The following ZC3H12C variants were observed in gnomAD, a reference collection of about 807,000 sequenced individuals.
ZC3H12C encodes probable ribonuclease ZC3H12C.
ZC3H12C carries 20 observed loss-of-function variants against 76.3 expected under a neutral mutation model. That is an observed-to-expected ratio of 0.26 (90% confidence interval 0.18 to 0.38). The LOEUF (loss-of-function observed/expected upper bound fraction) is 0.38. Among genes scored for constraint, ZC3H12C ranks in the 10% least tolerant of loss-of-function variants. The pLI is 1.00. For synonymous variants in ZC3H12C, 352 were observed against 399.6 expected (o/e 0.88, Z 1.42); for missense variants, 874 against 1,086.5 (o/e 0.80, Z 2.75).
chr11:110,142,468 T>C (rs1862083829), intron 2 of ZC3H12C, among the ~76,000 whole-genome samples: 2 of 152,218 alleles, frequency 1.3e-5, no homozygotes, highest in African/African-American at 4.8e-5. Context: ...CCTTTTTACA[T>C]CTACTAAACA....
At chr11:110,114,373 T>A (rs1861487507) in intron 1 of ZC3H12C, among the ~76,000 whole-genome samples, 2 of 152,238 alleles carry the variant, frequency 1.3e-5, no homozygotes, top group Non-Finnish European at 2.9e-5. Context: ...TTGTACTCTA[T>A]GACATATCCC....
At chr11:110,117,366 T>C (rs562250671) in intron 1 of ZC3H12C, among the ~76,000 whole-genome samples, 1 of 152,282 alleles carries the variant, frequency 6.6e-6, no homozygotes. Flanking sequence ...AATCCACATT[T>C]CTAAATTTTT....
chr11:110,137,510 A>G (rs1428228544), intron 2 of ZC3H12C, 96 bp downstream of exon 2: 3 of 1,373,788 alleles, frequency 2.2e-6, no homozygotes, highest in East Asian at 4.9e-5. Context: ...TGGTCATTAA[A>G]GTCAACATTT....
chr11:110,146,772 G>A (rs1053179583), intron 2 of ZC3H12C, among the ~76,000 whole-genome samples: 1 of 151,664 alleles, frequency 6.6e-6, no homozygotes. Flanking sequence ...AAACTGGATT[G>A]CTATTGCCAA....
intron 1 of ZC3H12C, among the ~76,000 whole-genome samples, chr11:110,095,123 G>A (rs902942335): frequency 6.6e-6 from 1 of 152,162 alleles, no homozygotes; most frequent in Non-Finnish European, 1.5e-5. Flanking sequence ...ACTGATGAGA[G>A]TTTTTATTAG....
chr11:110,101,715 T>G (rs2134144405), intron 1 of ZC3H12C, among the ~76,000 whole-genome samples: 1 of 152,010 alleles, frequency 6.6e-6, no homozygotes, highest in East Asian at 1.9e-4. Context: ...GTCCAGCTAA[T>G]TTTTGTATTT....
intron 1 of ZC3H12C, among the ~76,000 whole-genome samples, chr11:110,117,896 TACAC>T (rs373331743): frequency 8.9e-6 from 1 of 111,872 alleles, no homozygotes; most frequent in Non-Finnish European, 1.9e-5. Flanking sequence ...ATTATATATA[TACAC>T]ACACACATAT....
At chr11:110,154,164 T>G (rs578123183) in intron 3 of ZC3H12C, among the ~76,000 whole-genome samples, 3 of 152,054 alleles carry the variant, frequency 2.0e-5, no homozygotes, top group Non-Finnish European at 4.4e-5. Flanking sequence ...TTGAGCTCAG[T>G]AATTCAAGAC....
Position 110,170,910 on chromosome 11 carries a change from T to C in ZC3H12C, c.*5173T>C, listed in dbSNP as rs1862666446. 6.6e-6 allele frequency: 1 copy of C among 152,258 alleles called. No individual in the cohort carries two copies. Among genetic ancestry groups the C allele is most frequent in the South Asian group, 2.1e-4 (1 of 4,834 alleles). The allele number at this position is 152,258 out of a possible 1,614,324, so 9.4% of individuals were successfully genotyped here. A position where few individuals can be genotyped will look rare whatever the true frequency, so the allele number is the denominator to read the frequency against. ...TTTCTGTTAACTTAATTATTACTCC[T>C]GTTGCAGTGTTACTGTTATGTATTA... is the stretch of plus-strand genomic sequence containing the variant. On this transcript the variant is annotated 3_prime_UTR_variant, in exon 6 of 6. Coordinates refer to ENST00000278590, the MANE Select transcript of ZC3H12C (RefSeq NM_033390.2).
chr11:110,115,756 T>C (rs1861516208), intron 1 of ZC3H12C, among the ~76,000 whole-genome samples: 1 of 149,986 alleles, frequency 6.7e-6, no homozygotes, highest in Admixed American at 6.6e-5. Context: ...TTCTTTTTTT[T>C]TTTTTTTTTT....
rs1862630851 is a variant in ZC3H12C at position 110,169,152 on chromosome 11, T to C, written c.*3415T>C. The stretch of plus-strand genomic sequence containing the variant: ...TGGTATTTTCAAAGAATTATTTTGA[T>C]ATTTTTAATAGAATGTGTAATTTTA... On this transcript the variant is annotated 3_prime_UTR_variant, in exon 6 of 6. Coordinates refer to ENST00000278590, the MANE Select transcript of ZC3H12C (RefSeq NM_033390.2). The C allele has an allele frequency of 6.6e-6, 1 of 152,182 alleles. No homozygotes were observed. Among genetic ancestry groups the C allele is most frequent in the African/African-American group, 2.4e-5 (1 of 41,448 alleles). 9.4% of individuals were successfully genotyped at this position (152,182 alleles called of 1,614,324 possible). A position where few individuals can be genotyped will look rare whatever the true frequency, so the allele number is the denominator to read the frequency against.
At chr11:110,143,376 C>A (rs571715643) in intron 2 of ZC3H12C, among the ~76,000 whole-genome samples, 4 of 151,734 alleles carry the variant, frequency 2.6e-5, no homozygotes, top group African/African-American at 9.7e-5. Flanking sequence ...TTTTTAGAGT[C>A]CTTTAAAATT....
chr11:110,113,042 G>A (rs532839740), intron 1 of ZC3H12C, among the ~76,000 whole-genome samples: 3 of 151,484 alleles, frequency 2.0e-5, no homozygotes, highest in East Asian at 3.9e-4. Context: ...TTTTGAAACC[G>A]TTCCTATCCC....
intron 2 of ZC3H12C, among the ~76,000 whole-genome samples, chr11:110,149,451 C>T (rs922510260): frequency 2.6e-5 from 4 of 152,162 alleles, no homozygotes; most frequent in East Asian, 1.9e-4. Context: ...AGAGAAAGTA[C>T]GCCTTCCGCT....
chr11:110,093,420 TG>T lies in ZC3H12C; in HGVS notation c.11del (p.Gly4AlafsTer31), dbSNP rs1322979640. Reference protein sequence around the residue: MPGGGSQEYGVLCI... With the variant: MPGXGSQEYGVLCI... ...TTCTCGCGGGGCTGGCTATGCCGGG[TG>T]GCGGCTCCCAGGTTTGTCCTCGGGA... On this transcript the variant is annotated frameshift_variant, in exon 1 of 6. Transcript: ENST00000278590. LOFTEE classifies it high-confidence loss of function. 3 of 1,192,540 alleles carry T rather than the reference TG, an allele frequency of 2.5e-6. No homozygotes were observed. The highest frequency in any genetic ancestry group is 3.1e-6 in the Non-Finnish European group (3 of 961,922). The allele number at this position is 1,192,540 out of a possible 1,614,324, so 73.9% of individuals were successfully genotyped here.
At chr11:110,152,223 C>T (rs1862284780) in intron 2 of ZC3H12C, among the ~76,000 whole-genome samples, 1 of 152,180 alleles carries the variant, frequency 6.6e-6, no homozygotes, top group Admixed American at 6.5e-5. Flanking sequence ...TGGGCATTTT[C>T]TTTTAGGCAC....
Position 110,166,067 on chromosome 11 carries a change from T to TA in ZC3H12C, c.*331dup, listed in dbSNP as rs1862579544. The TA allele has an allele frequency of 4.6e-6, 1 of 217,154 alleles. No homozygotes were observed. Among genetic ancestry groups the TA allele is most frequent in the East Asian group, 1.1e-4 (1 of 9,204 alleles). The allele number at this position is 217,154 out of a possible 1,614,324, so 13.5% of individuals were successfully genotyped here. On this transcript the variant is annotated 3_prime_UTR_variant, in exon 6 of 6. Transcript: ENST00000278590. Reference sequence around the variant, plus strand: ...TCAGGGGTTTATATGCAGCACTTTTTATCCTTGTTTTGTGTTTTATTAACT... The same window carrying TA: ...TCAGGGGTTTATATGCAGCACTTTTTAATCCTTGTTTTGTGTTTTATTAACT...
At chr11:110,153,190 GT>G in intron 3 of ZC3H12C, 132 bp downstream of exon 3, 1 of 1,168,986 alleles carries the variant, frequency 8.6e-7, no homozygotes, top group Non-Finnish European at 1.2e-6. Context: ...GTTGTTTTTT[GT>G]TGTTGTTGTT....
chr11:110,156,536 C>A (rs944863533), intron 3 of ZC3H12C, among the ~76,000 whole-genome samples: 1 of 152,182 alleles, frequency 6.6e-6, no homozygotes, highest in Non-Finnish European at 1.5e-5. Context: ...GACTGTGAGG[C>A]CACCGAACTT....
Sources: gnomAD v4.1 joint callset for allele counts (sites outside exome capture counted in the v4.1 genomes callset) on GRCh38, gnomAD v4.1.1 for gene constraint, MANE v1.5 for transcripts, NCBI Gene and HGNC (gene_info 2026-07-23, HGNC 2026-07-21) for gene names.